The following KDM2A variants were observed in gnomAD, a reference collection of about 807,000 sequenced individuals.
The protein encoded by KDM2A is lysine demethylase 2A, also known as lysine-specific demethylase 2A.
KDM2A carries 3 observed loss-of-function variants against 137.3 expected under a neutral mutation model. The ratio of observed to expected loss-of-function variants is 0.02; its 90% confidence interval spans 0.01 to 0.06. KDM2A has a LOEUF of 0.06. Among genes scored for constraint, KDM2A ranks in the 10% least tolerant of loss-of-function variants. The pLI, the probability that KDM2A is intolerant of heterozygous loss-of-function variation, is 1.00. For synonymous variants in KDM2A, 512 were observed against 541.5 expected, an observed-to-expected ratio of 0.95 and a Z score of 0.76; for missense variants, 738 against 1,510.6, an observed-to-expected ratio of 0.49 and a Z score of 8.48.
At chr11:67,131,334 A>G (rs1260927832) in intron 2 of KDM2A, among the ~76,000 whole-genome samples, 1 of 151,888 alleles carries the variant, frequency 6.6e-6, no homozygotes, top group Non-Finnish European at 1.5e-5. Flanking sequence ...CAAAAAAATA[A>G]TAATAATAAC....
chr11:67,178,733 T>C (rs1354853223), intron 2 of KDM2A, among the ~76,000 whole-genome samples: 1 of 152,238 alleles, frequency 6.6e-6, no homozygotes, highest in Non-Finnish European at 1.5e-5. Context: ...TCATTCCTTT[T>C]TGTGGTTAAA....
chr11:67,147,736 G>A (rs957067955), intron 2 of KDM2A, among the ~76,000 whole-genome samples: 1 of 151,000 alleles, frequency 6.6e-6, no homozygotes, highest in Non-Finnish European at 1.5e-5. Flanking sequence ...GGAGTGCAGT[G>A]GTGCAATCTC....
At chr11:67,222,053 G>A (rs945549883) in intron 10 of KDM2A, among the ~76,000 whole-genome samples, 1 of 124,456 alleles carries the variant, frequency 8.0e-6, no homozygotes, top group African/African-American at 3.0e-5. Flanking sequence ...GTTTAACTCT[G>A]TCATTCTTTT....
chr11:67,157,447 C>G (rs1375793684), intron 2 of KDM2A, among the ~76,000 whole-genome samples: 3 of 151,214 alleles, frequency 2.0e-5, no homozygotes, highest in African/African-American at 2.4e-5. Flanking sequence ...CCTGGTTTCT[C>G]TTATTAACAT....
chr11:67,225,436 G>A (rs545558295), intron 10 of KDM2A, among the ~76,000 whole-genome samples: 5 of 151,884 alleles, frequency 3.3e-5, no homozygotes, highest in Admixed American at 3.3e-4. Context: ...AGGAGTTCGA[G>A]ACCAACCTGG....
chr11:67,125,134 T>A (rs1855690099), intron 2 of KDM2A, among the ~76,000 whole-genome samples: 1 of 151,910 alleles, frequency 6.6e-6, no homozygotes, highest in Non-Finnish European at 1.5e-5. Flanking sequence ...GTGCTGGGAT[T>A]ACAGGCTTGA....
chr11:67,184,330 C>G (rs1480516374), intron 5 of KDM2A, among the ~76,000 whole-genome samples: 1 of 151,678 alleles, frequency 6.6e-6, no homozygotes, highest in African/African-American at 2.4e-5. Context: ...TCCATCTCTA[C>G]TAAAAATACA....
rs1590837439 is a variant in KDM2A at position 67,256,172 on chromosome 11, C to T, written c.*1117C>T. 1 of 153,108 alleles carries T rather than the reference C, an allele frequency of 6.5e-6. No individual in the cohort carries two copies. Among genetic ancestry groups the T allele is most frequent in the Non-Finnish European group, 1.4e-5 (1 of 69,094 alleles). The allele number at this position is 153,108 out of a possible 1,614,324, so 9.5% of individuals were successfully genotyped here. On this transcript the variant is annotated 3_prime_UTR_variant, in exon 21 of 21. Coordinates refer to ENST00000529006, the MANE Select transcript of KDM2A (RefSeq NM_012308.3). ...GCCATGGAAGGGGGTGTGCACGTGC[C>T]TCTGTGTGTGTGGCTGAGTGTATTC...
chr11:67,142,285 C>T (rs2136295605), intron 2 of KDM2A, among the ~76,000 whole-genome samples: 1 of 151,762 alleles, frequency 6.6e-6, no homozygotes, highest in East Asian at 2.0e-4. Flanking sequence ...GATCCACCCG[C>T]CTTGGCCTCC....
At chr11:67,205,614 T>G (rs530542399) in intron 5 of KDM2A, among the ~76,000 whole-genome samples, 1 of 152,150 alleles carries the variant, frequency 6.6e-6, no homozygotes, top group South Asian at 2.1e-4. Flanking sequence ...TTTGTATTTG[T>G]ATTTTTTTGT....
At chr11:67,224,651 A>G (rs552227447) in intron 10 of KDM2A, among the ~76,000 whole-genome samples, 1 of 150,902 alleles carries the variant, frequency 6.6e-6, no homozygotes, top group Admixed American at 6.6e-5. Context: ...TATTTTTAGT[A>G]GAGATGGGGT....
chr11:67,205,560 C>A (rs148758533), intron 5 of KDM2A, among the ~76,000 whole-genome samples: 20 of 152,072 alleles, frequency 1.3e-4, no homozygotes, highest in East Asian at 7.7e-4. Context: ...CCCGAGTAGC[C>A]GGGATTACGG....
intron 2 of KDM2A, among the ~76,000 whole-genome samples, chr11:67,169,449 G>A (rs539115927): frequency 3.6e-4 from 51 of 141,386 alleles, no homozygotes; most frequent in Admixed American, 1.4e-4. Context: ...GCACCATCTC[G>A]GCTCACTGCA....
chr11:67,125,139 G>A (rs937076926), intron 2 of KDM2A, among the ~76,000 whole-genome samples: 2 of 151,422 alleles, frequency 1.3e-5, no homozygotes, highest in Non-Finnish European at 2.9e-5. Flanking sequence ...GGGATTACAG[G>A]CTTGAGCCAC....
At chr11:67,189,966 T>G (rs1173275170) in intron 5 of KDM2A, among the ~76,000 whole-genome samples, 2 of 151,822 alleles carry the variant, frequency 1.3e-5, no homozygotes, top group African/African-American at 4.8e-5. Flanking sequence ...TAATAAAGAT[T>G]AGAGATAAAT....
At chr11:67,135,909 A>G (rs1225936301) in intron 2 of KDM2A, among the ~76,000 whole-genome samples, 1 of 152,176 alleles carries the variant, frequency 6.6e-6, no homozygotes, top group African/African-American at 2.4e-5. Context: ...TCTACCCACT[A>G]CTGAAGTCTA....
At chr11:67,235,699 G>A (rs1858851971) in intron 12 of KDM2A, among the ~76,000 whole-genome samples, 1 of 151,466 alleles carries the variant, frequency 6.6e-6, no homozygotes, top group African/African-American at 2.4e-5. Flanking sequence ...TCGGCTCACT[G>A]CAGCCTCCAC....
At chr11:67,123,756 A>G (rs1245934445) in intron 2 of KDM2A, among the ~76,000 whole-genome samples, 1 of 151,878 alleles carries the variant, frequency 6.6e-6, no homozygotes, top group Non-Finnish European at 1.5e-5. Context: ...TGCTTACTGC[A>G]ACCTCTTCCT....
Position 67,228,095 on chromosome 11 carries a change from G to A in KDM2A, c.1016G>A (p.Arg339His). 2 of 1,612,534 alleles carry A rather than the reference G, an allele frequency of 1.2e-6. No homozygotes were observed. The highest frequency in any genetic ancestry group is 1.1e-5 in the South Asian group (1 of 91,034). Reference protein sequence around the residue: ...YYEMCWYVLERYVYCITNRSH... With the variant: ...YYEMCWYVLEHYVYCITNRSH... ...GAGATGTGTTGGTATGTGTTGGAGCGCTATGTGTACTGCATAACCAACCGT... is the reference window on the plus strand; with the variant it reads ...GAGATGTGTTGGTATGTGTTGGAGCACTATGTGTACTGCATAACCAACCGT... Residue 339 changes from arginine (R) to histidine (H), a missense_variant, in exon 11 of 21, where the codon CGC (arginine) becomes CAC (histidine). Transcript: ENST00000529006.
Sources: allele counts gnomAD v4.1 joint callset (sites outside exome capture counted in the v4.1 genomes callset), GRCh38; gene constraint gnomAD v4.1.1; transcripts MANE v1.5; gene names NCBI Gene and HGNC (gene_info 2026-07-23, HGNC 2026-07-21).